The following PDE4DIP variants were observed in gnomAD, a reference collection of about 807,000 sequenced individuals.
PDE4DIP encodes the protein phosphodiesterase 4D interacting protein.
Under a neutral mutation model 221.4 loss-of-function variants are expected in PDE4DIP, and 59 were observed. The ratio of observed to expected loss-of-function variants is 0.27; its 90% CI spans 0.22 to 0.33. The LOEUF (loss-of-function observed/expected upper bound fraction) is 0.33. PDE4DIP is among the 10% of genes least tolerant of loss of function. The pLI, the probability that PDE4DIP is intolerant of heterozygous loss-of-function variation, is 1.00. For synonymous variants in PDE4DIP, 404 were observed against 815.9 expected, an observed-to-expected ratio of 0.50 and a Z score of 8.60; for missense variants, 1,036 against 2,154.2, an observed-to-expected ratio of 0.48 and a Z score of 10.28.
intron 29 of PDE4DIP, 70 bp from the exon 33 acceptor site, chr1:149,009,498 T>A (rs1382267437): frequency 1.0e-6 from 1 of 966,806 alleles, no homozygotes; most frequent in Non-Finnish European, 1.6e-6. Context: ...GCTTTTCCTA[T>A]GAGCCATAGT....
intron 9 of PDE4DIP, among the ~76,000 whole-genome samples, chr1:148,962,941 G>A (rs1269916660): frequency 1.6e-4 from 25 of 152,282 alleles, no homozygotes; most frequent in African/African-American, 5.8e-4. Context: ...CGCCAAGGTT[G>A]GAGTGCAGTG....
chr1:148,937,695 T>C (rs1553475956), intron 4 of PDE4DIP, 52 bp from the exon 8 acceptor site: 3 of 867,960 alleles, frequency 3.5e-6, no homozygotes, highest in East Asian at 2.4e-5. Flanking sequence ...AAAAATAAGG[T>C]AATAATAGTA....
rs1553539314 is a variant in PDE4DIP, at chr1:148,978,269, G to C, written c.2437-9G>C. The C allele has an allele frequency of 2.5e-6, 4 of 1,579,266 alleles. No homozygotes were observed. The South Asian group carries it at 4.6e-5, about 18-fold the overall frequency. On this transcript the variant is annotated splice_polypyrimidine_tract_variant and intron_variant, in intron 18 of 43. Transcript: ENST00000369354. ...ATTTTCACATCCATACTTATTTTTT[G>C]ACTTCTAGGACCTGCAAATGCAACT...
chr1:148,951,996 G>A, intron 5 of PDE4DIP: 1 of 942,378 alleles, frequency 1.1e-6, no homozygotes, highest in Middle Eastern at 5.2e-4. Context: ...CGGGGGCGGC[G>A]CGCAGCGGTA....
At chr1:148,905,173 T>G in intron 1 of PDE4DIP, among the ~76,000 whole-genome samples, 1 of 138,648 alleles carries the variant, frequency 7.2e-6, no homozygotes, top group Non-Finnish European at 1.6e-5. Flanking sequence ...ATCCATCTCT[T>G]CTAGGTTTTT....
chr1:149,022,200 CG>C (rs2073210088), intron 37 of PDE4DIP, among the ~76,000 whole-genome samples: 1 of 141,056 alleles, frequency 7.1e-6, no homozygotes, highest in Admixed American at 7.2e-5. Context: ...GTGTGATGTT[CG>C]CCTGTGGAGA....
At chr1:148,960,113 A>T (rs1241614425) in intron 5 of PDE4DIP, among the ~76,000 whole-genome samples, 1 of 152,310 alleles carries the variant, frequency 6.6e-6, no homozygotes, top group East Asian at 1.9e-4. Flanking sequence ...TCTCTTATAT[A>T]ATTACAGTAC....
intron 22 of PDE4DIP, chr1:148,992,397 G>C: frequency 6.9e-7 from 1 of 1,459,172 alleles, no homozygotes; most frequent in Non-Finnish European, 9.0e-7. Context: ...TGCTTGGGAA[G>C]AAACTCCAAG....
At position 148,857,240 on chromosome 1, in the gene PDE4DIP, G is replaced by T. The variant is rs1337460132; in HGVS notation, c.234-6010G>T. On this transcript the variant is annotated intron_variant, in intron 1 of 45. Transcript: ENST00000524974. ...TTGGCAAAAATAGTAAGAAAAAAAG[G>T]GGGAGGATGCTCAGTATATTTTCCG... Among the ~76,000 whole-genome samples, 11 of 82,870 alleles carry T rather than the reference G, an allele frequency of 1.3e-4. 5 individuals are homozygous for T. Among genetic ancestry groups the T allele is most frequent in the African/African-American group, 8.3e-4 (11 of 13,324 alleles). The allele number at this position is 82,870 out of a possible 152,430, so 54.4% of individuals were successfully genotyped here.
intron 33 of PDE4DIP, among the ~76,000 whole-genome samples, chr1:149,016,753 G>T (rs1553611694): frequency 6.6e-6 from 1 of 152,066 alleles, no homozygotes; most frequent in African/African-American, 2.4e-5. Context: ...GCTCTGTAGG[G>T]ATATGGGAAA....
chr1:148,970,602 C>T (rs1445007054), intron 14 of PDE4DIP, among the ~76,000 whole-genome samples: 4 of 151,624 alleles, frequency 2.6e-5, no homozygotes, highest in Non-Finnish European at 5.9e-5. Context: ...AAAGAAATTA[C>T]GAGGTATAGG....
intron 36 of PDE4DIP, chr1:149,020,655 C>T (rs2072470718): frequency 2.8e-6 from 1 of 362,782 alleles, no homozygotes; most frequent in South Asian, 3.8e-5. Flanking sequence ...ATTAGTCTCA[C>T]CATCACCTAG....
At chr1:149,025,457 C>T (rs2074878806) in intron 38 of PDE4DIP, among the ~76,000 whole-genome samples, 1 of 152,182 alleles carries the variant, frequency 6.6e-6, no homozygotes, top group African/African-American at 2.4e-5. Context: ...CTCTACCCCA[C>T]CCCTTGCCTG....
intron 4 of PDE4DIP, chr1:148,932,584 T>C: frequency 5.6e-6 from 3 of 536,302 alleles, no homozygotes; most frequent in Admixed American, 3.3e-5. Context: ...GTATCTGGCA[T>C]GTGTTACAGA....
chr1:148,967,580 G>A (rs1553519905), intron 12 of PDE4DIP, 146 bp from the exon 16 acceptor site: 2 of 607,272 alleles, frequency 3.3e-6, no homozygotes, highest in South Asian at 2.3e-5. Flanking sequence ...AAATAGATTA[G>A]TATGGCATTG....
intron 1 of PDE4DIP, among the ~76,000 whole-genome samples, chr1:148,917,195 T>C (rs1241795719): frequency 1.3e-5 from 2 of 151,894 alleles, no homozygotes; most frequent in Non-Finnish European, 2.9e-5. Context: ...CAGAGGCCTC[T>C]GGGACACGAC....
At chr1:148,971,192 TGTG>T (rs1553526416) in intron 14 of PDE4DIP, among the ~76,000 whole-genome samples, 1 of 151,652 alleles carries the variant, frequency 6.6e-6, no homozygotes, top group Non-Finnish European at 1.5e-5. Context: ...ATCCTAATCA[TGTG>T]GTCTGATAAA....
At chr1:148,919,561 T>C (rs1376479758) in intron 1 of PDE4DIP, among the ~76,000 whole-genome samples, 7 of 151,824 alleles carry the variant, frequency 4.6e-5, no homozygotes, top group Non-Finnish European at 1.0e-4. Context: ...CTTCTCCCTG[T>C]TTTATAGAGT....
intron 14 of PDE4DIP, among the ~76,000 whole-genome samples, chr1:148,969,914 C>T (rs1256616224): frequency 6.6e-6 from 1 of 152,136 alleles, no homozygotes; most frequent in African/African-American, 2.4e-5. Context: ...CCATGTTGGC[C>T]AGGCTGGCTT....
Sources: gnomAD v4.1 joint callset for allele counts (sites outside exome capture counted in the v4.1 genomes callset) on GRCh38, gnomAD v4.1.1 for gene constraint, MANE v1.5 for transcripts, NCBI Gene and HGNC (gene_info 2026-07-23, HGNC 2026-07-21) for gene names.